Variants in RASA2 observed in about 807,000 individuals in gnomAD.
The protein encoded by RASA2 is RAS p21 protein activator 2.
RASA2 carries 155 observed loss-of-function variants against 118.2 expected under a neutral mutation model. That is an observed-to-expected ratio of 1.31 (90% CI 1.15 to 1.50). The LOEUF (loss-of-function observed/expected upper bound fraction) is 1.50, where lower values mean the gene tolerates loss of function less well. RASA2 is among the 40% of genes most tolerant of loss of function. The pLI is 0.00. For synonymous variants in RASA2, 353 were observed against 349.1 expected (o/e 1.01, Z -0.12); for missense variants, 1,016 against 1,009.6 (o/e 1.01, Z -0.09).
chr3:141,493,108 C>T (rs756138736), intron 1 of RASA2, among the ~76,000 whole-genome samples: 3 of 152,200 alleles, frequency 2.0e-5, no homozygotes, highest in Non-Finnish European at 4.4e-5. Context: ...ATGGCCTGTT[C>T]GGCACTAGTC....
At chr3:141,501,895 A>G (rs1030280354) in intron 1 of RASA2, among the ~76,000 whole-genome samples, 52 of 152,248 alleles carry the variant, frequency 3.4e-4, no homozygotes, top group Admixed American at 1.2e-3. Flanking sequence ...GTAAATGACA[A>G]AATGTGCATA....
chr3:141,590,316 C>A (rs759225590), intron 19 of RASA2, among the ~76,000 whole-genome samples: 1 of 152,170 alleles, frequency 6.6e-6, no homozygotes, highest in Non-Finnish European at 1.5e-5. Context: ...TTTTGTGTTC[C>A]TATGTTCGCT....
chr3:141,581,187 T>C lies in RASA2; in HGVS notation c.1752+10T>C. The C allele has an allele frequency of 6.8e-7, 1 of 1,465,790 alleles. No homozygotes were observed. The highest frequency in any genetic ancestry group is 9.0e-7 in the Non-Finnish European group (1 of 1,106,486). 90.8% of individuals were successfully genotyped at this position (1,465,790 alleles called of 1,614,324 possible). A position where few individuals can be genotyped will look rare whatever the true frequency, so the allele number is the denominator to read the frequency against. ...TATAGCAGTTAAAAAGGTATGATGG[T>C]TTTATTCTGGAATTGTTAATATTTA... On this transcript the variant is annotated intron_variant, in intron 17 of 23. Transcript: ENST00000286364.
chr3:141,596,857 T>C (rs559723804), intron 19 of RASA2, among the ~76,000 whole-genome samples: 1 of 152,244 alleles, frequency 6.6e-6, no homozygotes, highest in East Asian at 1.9e-4. Context: ...GAATGTAAAA[T>C]AGGGGCTTTG....
In RASA2 at chr3:141,580,360, T is replaced by C; in HGVS notation, c.1591-8T>C. The C allele has an allele frequency of 6.3e-7, 1 of 1,579,700 alleles. No homozygotes were observed. Among genetic ancestry groups the C allele is most frequent in the Non-Finnish European group, 8.6e-7 (1 of 1,158,996 alleles). ...CTTAGTAGTTTTGGTCTTTTTTACA[T>C]TCTTTAGGATGCACAGACAATTAGA... On this transcript the variant is annotated splice_region_variant and splice_polypyrimidine_tract_variant and intron_variant, in intron 15 of 23. Coordinates refer to ENST00000286364, the MANE Select transcript of RASA2 (RefSeq NM_006506.5).
At chr3:141,495,154 G>A (rs184563821) in intron 1 of RASA2, among the ~76,000 whole-genome samples, 49 of 152,284 alleles carry the variant, frequency 3.2e-4, no homozygotes, top group Admixed American at 9.1e-4. Context: ...CACTTTATGC[G>A]TATTAACTAA....
chr3:141,579,837 C>A (rs1258149370), intron 15 of RASA2, among the ~76,000 whole-genome samples: 3 of 151,606 alleles, frequency 2.0e-5, no homozygotes, highest in African/African-American at 7.3e-5. Flanking sequence ...AGGCAGATCA[C>A]CTGAGGTCAA....
intron 19 of RASA2, among the ~76,000 whole-genome samples, chr3:141,595,804 T>C (rs1239488830): frequency 6.6e-6 from 1 of 151,944 alleles, no homozygotes; most frequent in African/African-American, 2.4e-5. Context: ...GATTTTCTGA[T>C]TTTTTGTAGC....
At chr3:141,496,611 T>G (rs532035436) in intron 1 of RASA2, among the ~76,000 whole-genome samples, 49 of 152,276 alleles carry the variant, frequency 3.2e-4, no homozygotes, top group African/African-American at 1.1e-3. Context: ...AAAACCACAA[T>G]GAGATACTAT....
chr3:141,612,346 ATAT>A lies in RASA2; in HGVS notation c.*38_*40del. 2 of 1,525,580 alleles carry A rather than the reference ATAT, an allele frequency of 1.3e-6. No homozygotes were observed. The highest frequency in any genetic ancestry group is 1.8e-6 in the Non-Finnish European group (2 of 1,117,862). The allele number at this position is 1,525,580 out of a possible 1,614,324, so 94.5% of individuals were successfully genotyped here. Reference sequence around the variant, plus strand: ...CAGATTGGTTCAGAAGAACTGGAAAATATTATTTTTCTTGGAGCTTTTCAATTC... The same window carrying A: ...CAGATTGGTTCAGAAGAACTGGAAAATATTTTTCTTGGAGCTTTTCAATTC... On this transcript the variant is annotated 3_prime_UTR_variant, in exon 24 of 24. Coordinates refer to ENST00000286364, the MANE Select transcript of RASA2 (RefSeq NM_006506.5).
At chr3:141,531,399 GGT>G (rs915473735) in intron 4 of RASA2, among the ~76,000 whole-genome samples, 2 of 150,642 alleles carry the variant, frequency 1.3e-5, no homozygotes, top group Non-Finnish European at 3.0e-5. Context: ...TTTATTTGAT[GGT>G]GTGTGTGTGT....
Position 141,491,181 on chromosome 3 carries a change from C to G in RASA2, c.133+3965C>G, listed in dbSNP as rs2081636119. Among the ~76,000 whole-genome samples, 3 of 152,204 alleles carry G rather than the reference C, an allele frequency of 2.0e-5. No individual in the cohort carries two copies. The South Asian group carries it at 6.2e-4, about 31-fold the overall frequency. On this transcript the variant is annotated intron_variant, in intron 1 of 23. Coordinates refer to ENST00000286364, the MANE Select transcript of RASA2 (RefSeq NM_006506.5). Reference sequence around the variant, plus strand: ...TTTAAATGGGAATGATGCTTTTCCACTATCCATTGTATACAGGTTGTTCCC... The same window carrying G: ...TTTAAATGGGAATGATGCTTTTCCAGTATCCATTGTATACAGGTTGTTCCC...
chr3:141,572,701 C>T lies in RASA2; in HGVS notation c.1262C>T (p.Thr421Ile). 2.5e-6 allele frequency: 4 copies of T among 1,609,014 alleles called. No individual in the cohort carries two copies. Among genetic ancestry groups the T allele is most frequent in the Non-Finnish European group, 1.7e-6 (2 of 1,175,912 alleles). The change falls in exon 12 of 24, where the codon ACA (threonine) becomes ATA (isoleucine). Residue 421 changes from threonine to isoleucine, a missense_variant. Around this residue, in one of 2 missense-constraint regions of RASA2, gnomAD observed 896 missense variants for 836.4 expected, o/e 1.07. Transcript: ENST00000286364. The stretch of plus-strand genomic sequence containing the variant: ...GTGGGAGGGCACTACCTGAAAGTAA[C>T]ATTAAAACCTATTCTTGATGAGGTA... ...KIVGGHYLKV[T>I]LKPILDEICD...
At chr3:141,555,726 C>A in intron 6 of RASA2, 114 bp from the exon 7 acceptor site, 1 of 792,660 alleles carries the variant, frequency 1.3e-6, no homozygotes, top group Non-Finnish European at 2.0e-6. Context: ...ACTGAATCTT[C>A]CCTGAGTCAC....
At chr3:141,553,506 G>C (rs192052966) in intron 5 of RASA2, among the ~76,000 whole-genome samples, 12 of 152,062 alleles carry the variant, frequency 7.9e-5, no homozygotes, top group Admixed American at 7.9e-4. Context: ...TTGAAATGCT[G>C]CAGTGAGCAT....
Position 141,559,911 on chromosome 3 carries a change from A to G in RASA2, c.779A>G (p.Asn260Ser), listed in dbSNP as rs1184308725. 2 of 1,613,066 alleles carry G rather than the reference A, an allele frequency of 1.2e-6. No individual in the cohort carries two copies. The highest frequency in any genetic ancestry group is 2.2e-5 in the East Asian group (1 of 44,758). Residue 260 changes from asparagine (N) to serine (S), a missense_variant, in exon 9 of 24, where the codon AAT (asparagine) becomes AGT (serine). Transcript: ENST00000286364. Reference protein sequence around the residue: ...KLEIRIDLWNNGNLVQDVFLG... With the variant: ...KLEIRIDLWNSGNLVQDVFLG... ...ATTTTCAGGATCGACTTGTGGAACA[A>G]TGGAAACCTAGTCCAAGATGTTTTC...
intron 19 of RASA2, among the ~76,000 whole-genome samples, chr3:141,604,342 T>C (rs1456879867): frequency 6.6e-6 from 1 of 152,206 alleles, no homozygotes; most frequent in Non-Finnish European, 1.5e-5. Context: ...TATCTTTCTG[T>C]CTCTATCTAG....
At chr3:141,520,880 G>A (rs1030945105) in intron 3 of RASA2, among the ~76,000 whole-genome samples, 1 of 152,162 alleles carries the variant, frequency 6.6e-6, no homozygotes, top group Admixed American at 6.5e-5. Flanking sequence ...AGTTAGGGCA[G>A]TTGCAGTGGA....
chr3:141,536,634 A>C lies in RASA2; in HGVS notation c.451-3899A>C, dbSNP rs537590334. Reference sequence around the variant, plus strand: ...ACAGTGCAAGGTATCTGATCTTCCAACATTTTCTGACATACATGAAAAGTA... The same window carrying C: ...ACAGTGCAAGGTATCTGATCTTCCACCATTTTCTGACATACATGAAAAGTA... On this transcript the variant is annotated intron_variant, in intron 4 of 23. Coordinates refer to ENST00000286364, the MANE Select transcript of RASA2 (RefSeq NM_006506.5). 3.3e-5 allele frequency among the ~76,000 whole-genome samples: 5 copies of C among 152,320 alleles called. No homozygotes were observed. In the South Asian group the frequency reaches 8.3e-4, roughly 25 times the overall value.
Sources: gnomAD v4.1 joint callset for allele counts (sites outside exome capture counted in the v4.1 genomes callset) on GRCh38, gnomAD v4.1.1 for gene constraint, gnomAD v4.1.1 regional missense constraint, MANE v1.5 for transcripts, NCBI Gene and HGNC (gene_info 2026-07-23, HGNC 2026-07-21) for gene names.